MSH3: variants seen among roughly 807,000 people sequenced by gnomAD.
The protein encoded by MSH3 is mutS homolog 3.
In MSH3, 106 loss-of-function variants were observed where a neutral mutation model predicts 123.3. The observed-to-expected ratio is 0.86, with a 90% CI of 0.73 to 1.01. The LOEUF is 1.01. MSH3 is among the 50% of genes least tolerant of loss of function. MSH3 has a pLI of 0.00. For missense variants in MSH3, 1,459 were observed against 1,347.6 expected (o/e 1.08, Z -1.29); for synonymous variants, 515 against 481.4 (o/e 1.07, Z -0.91).
At chr5:80,846,467 A>AG (rs1277567344) in intron 20 of MSH3, among the ~76,000 whole-genome samples, 1 of 152,100 alleles carries the variant, frequency 6.6e-6, no homozygotes, top group Admixed American at 6.6e-5. Context: ...TTAAGTCTGC[A>AG]GATGCTGTCT....
intron 20 of MSH3, among the ~76,000 whole-genome samples, chr5:80,822,100 G>A (rs914648292): frequency 2.6e-5 from 4 of 152,158 alleles, no homozygotes; most frequent in Admixed American, 6.5e-5. Flanking sequence ...AACCGGCTGT[G>A]TATGGGAAAG....
chr5:80,785,578 A>G (rs1025744148), intron 17 of MSH3, among the ~76,000 whole-genome samples: 2 of 152,110 alleles, frequency 1.3e-5, no homozygotes, highest in East Asian at 1.9e-4. Flanking sequence ...AACTAGAAAT[A>G]CCATTTGACC....
Position 80,798,432 on chromosome 5 carries a change from T to G in MSH3, c.2655+5588T>G, listed in dbSNP as rs561844244. Among the ~76,000 whole-genome samples, 4 of 152,326 alleles carry G rather than the reference T, an allele frequency of 2.6e-5. No homozygotes were observed. In the South Asian group the frequency reaches 8.3e-4, roughly 32 times the overall value. ...GTCTAGCTGGCCCAGAAATACTTGC[T>G]TTGGCTGTATAAAAGTTTAAAAGAC... On this transcript the variant is annotated intron_variant, in intron 19 of 23. Transcript: ENST00000265081.
chr5:80,787,323 G>A (rs1046867054), intron 17 of MSH3, among the ~76,000 whole-genome samples: 5 of 152,144 alleles, frequency 3.3e-5, no homozygotes, highest in Admixed American at 3.3e-4. Flanking sequence ...ATTCTTAATG[G>A]TTGATATCTT....
At chr5:80,671,444 A>G (rs1332958517) in intron 4 of MSH3, among the ~76,000 whole-genome samples, 1 of 152,182 alleles carries the variant, frequency 6.6e-6, no homozygotes, top group East Asian at 1.9e-4. Context: ...GCATTATGCA[A>G]TGTTCTGTGA....
Position 80,778,796 on chromosome 5 carries a change from C to T in MSH3, c.2395C>T (p.Leu799=), listed in dbSNP as rs1430308910. Residue 799 remains leucine, a synonymous_variant, in exon 17 of 24, where the codon CTA becomes TTA. Coordinates refer to ENST00000265081, the MANE Select transcript of MSH3 (RefSeq NM_002439.5). ...YRHLNQLREQ[L]VLDCSAEWLD... ...ACATCTGAATCAGCTCCGGGAGCAG[C>T]TAGTCCTTGACTGCAGTGCTGAATG... 5 of 1,610,822 alleles carry T rather than the reference C, an allele frequency of 3.1e-6. No homozygotes were observed. Among genetic ancestry groups the T allele is most frequent in the Non-Finnish European group, 4.2e-6 (5 of 1,176,996 alleles).
intron 12 of MSH3, 136 bp from the exon 13 acceptor site, chr5:80,761,410 A>G: frequency 2.9e-6 from 3 of 1,043,628 alleles, no homozygotes; most frequent in Non-Finnish European, 3.0e-6. Flanking sequence ...TTCCCACATG[A>G]CTATCTCAGT....
At chr5:80,806,321 TCCTGACCTCA>T (rs1744890662) in intron 19 of MSH3, among the ~76,000 whole-genome samples, 3 of 151,884 alleles carry the variant, frequency 2.0e-5, no homozygotes, top group African/African-American at 7.3e-5. Context: ...GCTCTCGAAC[TCCTGACCTCA>T]GATGATCTGC....
chr5:80,723,093 A>AT (rs1751120123), intron 8 of MSH3, among the ~76,000 whole-genome samples: 9 of 114,502 alleles, frequency 7.9e-5, no homozygotes, highest in African/African-American at 1.7e-4. Flanking sequence ...AACTCTGTCT[A>AT]AAAATAAATA....
chr5:80,873,993 C>A (rs1485785493), intron 23 of MSH3, among the ~76,000 whole-genome samples: 2 of 152,116 alleles, frequency 1.3e-5, no homozygotes. Context: ...CCACCTACTG[C>A]CCCACCCCTG....
rs181026115 is a variant in MSH3 at position 80,655,977 on chromosome 5, C to T, written c.238-434C>T. ...GAACATAAACCTTTTAAACAGGAAA[C>T]ACTTAAATTGCAGTGAACATGTCAA... On this transcript the variant is annotated intron_variant, in intron 1 of 23. Coordinates refer to ENST00000265081, the MANE Select transcript of MSH3 (RefSeq NM_002439.5). 3.3e-5 allele frequency among the ~76,000 whole-genome samples: 5 copies of T among 152,310 alleles called. No homozygotes were observed. In the East Asian group the frequency reaches 9.6e-4, roughly 29 times the overall value.
At chr5:80,819,795 A>G (rs576311328) in intron 20 of MSH3, among the ~76,000 whole-genome samples, 5 of 152,164 alleles carry the variant, frequency 3.3e-5, no homozygotes, top group Admixed American at 2.0e-4. Context: ...CCAAAAACAT[A>G]TTTTTATTAA....
At chr5:80,736,313 CAT>C (rs1336054232) in intron 10 of MSH3, among the ~76,000 whole-genome samples, 1 of 131,858 alleles carries the variant, frequency 7.6e-6, no homozygotes, top group Non-Finnish European at 1.6e-5. Context: ...TGTGAAAGAA[CAT>C]AACTAAGAAG....
At chr5:80,768,229 A>G in intron 14 of MSH3, 109 bp downstream of exon 14, 1 of 989,390 alleles carries the variant, frequency 1.0e-6, no homozygotes, top group Non-Finnish European at 1.6e-6. Flanking sequence ...TAGAAGTTGC[A>G]TGAGTACATA....
At chr5:80,832,616 TA>T (rs559526687) in intron 20 of MSH3, among the ~76,000 whole-genome samples, 741 of 139,184 alleles carry the variant, frequency 5.3e-3, no homozygotes, top group African/African-American at 4.8e-3. Context: ...AAGACTCCAT[TA>T]AAAAAAAAAA....
intron 12 of MSH3, among the ~76,000 whole-genome samples, chr5:80,747,751 C>G (rs1743748465): frequency 6.6e-6 from 1 of 152,072 alleles, no homozygotes; most frequent in African/African-American, 2.4e-5. Context: ...AAATACTTAC[C>G]ATTGTGTTAC....
At chr5:80,719,831 G>A (rs6151714) in intron 8 of MSH3, among the ~76,000 whole-genome samples, 19,169 of 152,166 alleles carry the variant, frequency 0.13, 1,704 homozygotes, top group East Asian at 0.33. Context: ...CATTTTGGTT[G>A]TCTGAAATTT....
At chr5:80,785,386 G>A (rs1744486977) in intron 17 of MSH3, among the ~76,000 whole-genome samples, 1 of 152,076 alleles carries the variant, frequency 6.6e-6, no homozygotes, top group Admixed American at 6.6e-5. Context: ...TCAGAGAAAT[G>A]CAAATCAAAA....
At chr5:80,870,174 CAAAAA>C (rs745491509) in intron 22 of MSH3, among the ~76,000 whole-genome samples, 6 of 105,886 alleles carry the variant, frequency 5.7e-5, no homozygotes, top group Admixed American at 1.1e-4. Context: ...AACTCCGTCT[CAAAAA>C]AAAAAAAAAA....
Sources: gnomAD v4.1 joint callset for allele counts (sites outside exome capture counted in the v4.1 genomes callset) on GRCh38, gnomAD v4.1.1 for gene constraint, MANE v1.5 for transcripts, NCBI Gene and HGNC (gene_info 2026-07-23, HGNC 2026-07-21) for gene names.